HIBCH: variants seen among roughly 807,000 people sequenced by gnomAD.
HIBCH encodes the protein 3-hydroxyisobutyryl-CoA hydrolase, mitochondrial.
Under a neutral mutation model 58.2 loss-of-function variants are expected in HIBCH, and 50 were observed. The ratio of observed to expected loss-of-function variants is 0.86; its 90% CI spans 0.68 to 1.09. HIBCH has a LOEUF of 1.09. Ranked by LOEUF, HIBCH falls within the 50% of genes least tolerant of loss-of-function variation. The probability of loss-of-function intolerance (pLI) is 0.00; values close to 1 mark genes in which losing one functional copy is unlikely to be tolerated. For missense variants in HIBCH, 450 were observed against 449.7 expected (o/e 1.00, Z -0.01); for synonymous variants, 151 against 146.9 (o/e 1.03, Z -0.20).
chr2:190,283,771 A>G (rs1450037185), intron 6 of HIBCH, among the ~76,000 whole-genome samples: 1 of 152,224 alleles, frequency 6.6e-6, no homozygotes, highest in African/African-American at 2.4e-5. Context: ...GATAAAATAT[A>G]GTATAAAACA....
rs181750078 is a variant in HIBCH, at chr2:190,254,713, C to T, written c.518-2406G>A. Among the ~76,000 whole-genome samples the T allele has an allele frequency of 6.6e-6, 1 of 152,328 alleles. No homozygotes were observed. Among genetic ancestry groups the T allele is most frequent in the African/African-American group, 2.4e-5 (1 of 41,584 alleles). ...TACCTTGGAGTTATTCCTGATTCAT[C>T]ATACCAGCAAGTCAGTTAAGCCCAA... is the stretch of plus-strand genomic sequence containing the variant. On this transcript the variant is annotated intron_variant, in intron 7 of 13. Coordinates refer to ENST00000359678, the MANE Select transcript of HIBCH (RefSeq NM_014362.4). The surrounding 1 kb of genome is among the most constrained non-coding windows in gnomAD (Gnocchi z 5.0).
intron 11 of HIBCH, among the ~76,000 whole-genome samples, chr2:190,218,762 A>G (rs1685635706): frequency 1.3e-5 from 2 of 152,230 alleles, no homozygotes. Flanking sequence ...TTGGCTCTAT[A>G]CCAGGACAGG....
At chr2:190,313,333 G>A (rs1401338242) in intron 1 of HIBCH, among the ~76,000 whole-genome samples, 1 of 152,124 alleles carries the variant, frequency 6.6e-6, no homozygotes, top group Non-Finnish European at 1.5e-5. Flanking sequence ...TTGGGTATCA[G>A]TTTAAGAGTG....
chr2:190,252,090 C>T (rs1686790210), intron 8 of HIBCH, 72 bp downstream of exon 8: 1 of 1,408,768 alleles, frequency 7.1e-7, no homozygotes, highest in Non-Finnish European at 1.0e-6. Context: ...CTCAACCACC[C>T]ATTGTACCTT....
At chr2:190,294,022 G>GTATATATATATATATATATATA (rs1553505756) in intron 4 of HIBCH, among the ~76,000 whole-genome samples, 1 of 83,018 alleles carries the variant, frequency 1.2e-5, no homozygotes, top group African/African-American at 4.3e-5. Context: ...TATTTTGTGT[G>GTATATATATATATATATATATA]TATATATATA....
chr2:190,191,811 G>A (rs1267036732), intron 1 of HIBCH, among the ~76,000 whole-genome samples: 1 of 152,034 alleles, frequency 6.6e-6, no homozygotes, highest in Non-Finnish European at 1.5e-5. Flanking sequence ...TCTAAACTGG[G>A]TTGTTGTCTT....
intron 2 of HIBCH, among the ~76,000 whole-genome samples, chr2:190,305,877 G>GT (rs752515961): frequency 3.9e-5 from 6 of 152,086 alleles, no homozygotes; most frequent in Non-Finnish European, 7.4e-5. Flanking sequence ...AAGATTTTTT[G>GT]TTTTTAATTA....
downstream of HIBCH, chr2:190,202,235 C>T (rs1690266437): frequency 6.0e-6 from 1 of 166,970 alleles, no homozygotes; most frequent in African/African-American, 2.4e-5. Flanking sequence ...CTTTTATCAC[C>T]AAGCACCACT....
rs766526387 is a variant in HIBCH, at chr2:190,290,399, A to C, written c.385+6T>G. On this transcript the variant is annotated splice_donor_region_variant and intron_variant, in intron 5 of 13. Transcript: ENST00000359678. The stretch of plus-strand genomic sequence containing the variant: ...ATTTCCAAAGCTCTGAGCAGAATAC[A>C]CATACCAACAGCATTATTCAGCATA... 4.4e-6 allele frequency: 7 copies of C among 1,580,076 alleles called. No individual in the cohort carries two copies. Among genetic ancestry groups the C allele is most frequent in the South Asian group, 3.3e-5 (3 of 90,430 alleles).
intron 6 of HIBCH, among the ~76,000 whole-genome samples, chr2:190,267,403 G>C (rs903818629): frequency 1.3e-5 from 2 of 151,874 alleles, no homozygotes; most frequent in Admixed American, 6.6e-5. Flanking sequence ...CACCATGTTG[G>C]TCAGGCTTGT....
chr2:190,295,264 GT>G (rs1337103900), intron 3 of HIBCH, among the ~76,000 whole-genome samples: 1 of 152,180 alleles, frequency 6.6e-6, no homozygotes, highest in Non-Finnish European at 1.5e-5. Context: ...TACAGGTTGA[GT>G]ATCCCTTATC....
chr2:190,298,438 G>A (rs1211915882), intron 2 of HIBCH, among the ~76,000 whole-genome samples: 6 of 152,032 alleles, frequency 3.9e-5, no homozygotes, highest in South Asian at 2.1e-4. Context: ...TTTAATAATC[G>A]CCATGCTGAC....
At chr2:190,287,452 A>G in intron 6 of HIBCH, 134 bp downstream of exon 6, 1 of 694,320 alleles carries the variant, frequency 1.4e-6, no homozygotes, top group Non-Finnish European at 2.6e-6. Flanking sequence ...ATCTGTCAGG[A>G]TCCAAAATCC....
chr2:190,288,768 A>T (rs1196074349), intron 5 of HIBCH, among the ~76,000 whole-genome samples: 1 of 152,178 alleles, frequency 6.6e-6, no homozygotes, highest in African/African-American at 2.4e-5. Flanking sequence ...CTATTTGTCT[A>T]CTTTGCTGTA....
At chr2:190,196,569 T>C (rs1689988282) in intron 1 of HIBCH, among the ~76,000 whole-genome samples, 1 of 151,936 alleles carries the variant, frequency 6.6e-6, no homozygotes. Context: ...TCCTGCCTCT[T>C]TGTATGGCTA....
At chr2:190,237,505 A>G (rs1483491096) in intron 11 of HIBCH, among the ~76,000 whole-genome samples, 1 of 152,198 alleles carries the variant, frequency 6.6e-6, no homozygotes, top group Non-Finnish European at 1.5e-5. Flanking sequence ...CAAAGTTCCA[A>G]TGAACATGTA....
At chr2:190,199,987 A>C (rs1690171339), downstream of HIBCH, 1 of 1,614,006 alleles carries the variant, frequency 6.2e-7, no homozygotes, top group African/African-American at 1.3e-5. Flanking sequence ...TTCTCCAGTT[A>C]ATGTCAAAGA....
intron 6 of HIBCH, among the ~76,000 whole-genome samples, chr2:190,277,417 G>C (rs1006386873): frequency 2.6e-5 from 4 of 152,102 alleles, no homozygotes; most frequent in Non-Finnish European, 4.4e-5. Flanking sequence ...GCTCTGTGGC[G>C]CCATCTTTTG....
intron 11 of HIBCH, among the ~76,000 whole-genome samples, chr2:190,219,456 A>G (rs1386766655): frequency 6.6e-6 from 1 of 152,198 alleles, no homozygotes; most frequent in Non-Finnish European, 1.5e-5. Flanking sequence ...TCCACCACTT[A>G]GTTTCTCTCA....
Sources: gnomAD v4.1 joint callset for allele counts (sites outside exome capture counted in the v4.1 genomes callset) on GRCh38, gnomAD v4.1.1 for gene constraint, Gnocchi (gnomAD v3.1) non-coding constraint, MANE v1.5 for transcripts, NCBI Gene and HGNC (gene_info 2026-07-23, HGNC 2026-07-21) for gene names.